The following NBEAL1 variants were observed in gnomAD, a reference collection of about 807,000 sequenced individuals.
The protein encoded by NBEAL1 is neurobeachin-like protein 1.
Under a neutral mutation model 351.3 loss-of-function variants are expected in NBEAL1, and 273 were observed. That is an observed-to-expected ratio of 0.78 (90% CI 0.70 to 0.86). The LOEUF (loss-of-function observed/expected upper bound fraction) is 0.86. Among genes scored for constraint, NBEAL1 ranks in the 40% least tolerant of loss-of-function variants. The probability of loss-of-function intolerance (pLI) is 0.00; values close to 1 mark genes in which losing one functional copy is unlikely to be tolerated. For synonymous variants in NBEAL1, 1,050 were observed against 1,086.4 expected, an observed-to-expected ratio of 0.97 and a Z score of 0.66; for missense variants, 2,961 against 3,201.3, an observed-to-expected ratio of 0.92 and a Z score of 1.81.
At chr2:203,132,159 A>C in intron 26 of NBEAL1, 27 bp downstream of exon 26, 1 of 1,337,288 alleles carries the variant, frequency 7.5e-7, no homozygotes, top group Non-Finnish European at 1.0e-6. Context: ...TAAAGCTAAC[A>C]TATTTAAGAA....
intron 47 of NBEAL1, 71 bp downstream of exon 47, chr2:203,193,982 T>C: frequency 1.2e-6 from 1 of 804,986 alleles, no homozygotes; most frequent in South Asian, 1.8e-5. Context: ...TCTTTTATTA[T>C]TTAATGGGAA....
At position 203,123,751 on chromosome 2, in the gene NBEAL1, T is replaced by TTA. The variant is rs200920126; in HGVS notation, c.2682+1415_2682+1416dup. On this transcript the variant is annotated intron_variant, in intron 19 of 55. Transcript: ENST00000683969. Reference sequence around the variant, plus strand: ...TACAAAGCTGATTCCATGTGGTATTTTATATATAGAAATCTGTTTATATGT... The same window carrying TTA: ...TACAAAGCTGATTCCATGTGGTATTTTATATATATAGAAATCTGTTTATATGT... Among the ~76,000 whole-genome samples the TTA allele has an allele frequency of 8.5e-4, 129 of 152,332 alleles. 4 individuals carry two copies. In the East Asian group the frequency reaches 0.016, roughly 19 times the overall value.
At position 203,225,037 on chromosome 2, in the gene NBEAL1, G is replaced by A. The variant is rs1368622389; in HGVS notation, c.*7683G>A. Among the ~76,000 whole-genome samples the A allele has an allele frequency of 6.6e-6, 1 of 152,134 alleles. No individual in the cohort carries two copies. The highest frequency in any genetic ancestry group is 1.5e-5 in the Non-Finnish European group (1 of 68,006). On this transcript the variant is annotated 3_prime_UTR_variant, in exon 56 of 56. Coordinates refer to ENST00000683969, the MANE Select transcript of NBEAL1 (RefSeq NM_001378026.1). ...TACTTGATTTGTTTCTGTATAGCAT[G>A]ATTAAAGATAATTGAAAATTTTGCA...
intron 31 of NBEAL1, among the ~76,000 whole-genome samples, chr2:203,141,467 C>T (rs1399218118): frequency 1.4e-5 from 2 of 140,436 alleles, no homozygotes; most frequent in East Asian, 2.3e-4. Flanking sequence ...TGCAATCTCT[C>T]CACCTCCCAG....
At chr2:203,029,559 G>C (rs374128065) in intron 2 of NBEAL1, among the ~76,000 whole-genome samples, 2 of 152,076 alleles carry the variant, frequency 1.3e-5, no homozygotes, top group East Asian at 3.9e-4. Context: ...GGGCACGATG[G>C]CATGTGCCAG....
At chr2:203,163,019 T>C (rs955161326) in intron 36 of NBEAL1, among the ~76,000 whole-genome samples, 1 of 151,982 alleles carries the variant, frequency 6.6e-6, no homozygotes, top group Non-Finnish European at 1.5e-5. Context: ...TAGCCAGACA[T>C]GGGGGTGAGT....
At chr2:203,057,231 C>A in intron 5 of NBEAL1, 95 bp from the exon 6 acceptor site, 1 of 1,098,520 alleles carries the variant, frequency 9.1e-7, no homozygotes, top group Non-Finnish European at 1.3e-6. Flanking sequence ...GACTCTTAGT[C>A]TCAAAGGGAA....
Position 203,169,816 on chromosome 2 carries a change from C to A in NBEAL1, c.6067C>A (p.Pro2023Thr). The A allele has an allele frequency of 6.2e-7, 1 of 1,609,234 alleles. No homozygotes were observed. The highest frequency in any genetic ancestry group is 1.7e-5 in the Admixed American group (1 of 59,520). ...AAATAGTTATTATGGAAGCAGATCA[C>A]CACAGGAGTTATTCAAAGCATCAGG... Reference protein sequence around the residue: ...SPNSYYGSRSPQELFKASGLT... With the variant: ...SPNSYYGSRSTQELFKASGLT... The change falls in exon 39 of 56, where the codon CCA becomes ACA. Residue 2023 changes from proline (P) to threonine (T), a missense_variant. By Grantham distance (38) the Pro-to-Thr change is conservative. Coordinates refer to ENST00000683969, the MANE Select transcript of NBEAL1 (RefSeq NM_001378026.1).
chr2:203,120,581 G>T (rs2062807589), intron 18 of NBEAL1, among the ~76,000 whole-genome samples: 2 of 152,102 alleles, frequency 1.3e-5, no homozygotes, highest in South Asian at 4.1e-4. Context: ...CATGTGTTTG[G>T]GTATAGGACA....
intron 55 of NBEAL1, among the ~76,000 whole-genome samples, chr2:203,216,827 A>G (rs2065902282): frequency 1.3e-5 from 2 of 152,128 alleles, no homozygotes; most frequent in African/African-American, 4.8e-5. Context: ...TGAGAGAGAG[A>G]GAGTTTCACT....
At chr2:203,175,470 A>G (rs1165853677) in intron 42 of NBEAL1, among the ~76,000 whole-genome samples, 183 bp downstream of exon 42, 3 of 152,146 alleles carry the variant, frequency 2.0e-5, no homozygotes, top group Non-Finnish European at 4.4e-5. Context: ...ATTTAAGGAG[A>G]ATTCCTTTTT....
intron 19 of NBEAL1, 27 bp from the exon 20 acceptor site, chr2:203,125,325 A>T: frequency 7.0e-7 from 1 of 1,424,212 alleles, no homozygotes; most frequent in African/African-American, 1.5e-5. Flanking sequence ...CTTTTATAAG[A>T]TTTAAACATT....
At position 203,208,700 on chromosome 2, in the gene NBEAL1, G is replaced by C. The variant is rs780986589; in HGVS notation, c.7570G>C (p.Val2524Leu). The change falls in exon 52 of 56, where the codon GTA becomes CTA. Residue 2524 changes from valine to leucine, a missense_variant. Val to Leu is a conservative substitution (Grantham distance 32). Coordinates refer to ENST00000683969, the MANE Select transcript of NBEAL1 (RefSeq NM_001378026.1). ...FQILYGHTNE[V>L]LSVGISTELD... ...GATTCTTTATGGACACACCAACGAGGTACTGAGTGTCGGCATCAGCACTGA... is the reference window on the plus strand; with the variant it reads ...GATTCTTTATGGACACACCAACGAGCTACTGAGTGTCGGCATCAGCACTGA... The C allele has an allele frequency of 6.2e-7, 1 of 1,612,574 alleles. No individual in the cohort carries two copies. The highest frequency in any genetic ancestry group is 2.2e-5 in the East Asian group (1 of 44,810).
chr2:203,166,661 C>T (rs1176060244), intron 37 of NBEAL1, among the ~76,000 whole-genome samples: 2 of 152,054 alleles, frequency 1.3e-5, no homozygotes, highest in African/African-American at 4.8e-5. Flanking sequence ...ATTCTCCTGC[C>T]TCAGCCTCCC....
chr2:203,109,202 C>T (rs1336498913), intron 14 of NBEAL1, among the ~76,000 whole-genome samples: 1 of 151,620 alleles, frequency 6.6e-6, no homozygotes, highest in African/African-American at 2.4e-5. Flanking sequence ...ACTAAAAATA[C>T]AGAAATTAGC....
At chr2:203,153,342 A>G (rs2063713420) in intron 35 of NBEAL1, among the ~76,000 whole-genome samples, 1 of 136,932 alleles carries the variant, frequency 7.3e-6, no homozygotes, top group African/African-American at 2.7e-5. Context: ...AGGTCTCACC[A>G]TATTGCCAGG....
rs56382460 is a variant in NBEAL1, at chr2:203,145,797, C to CA, written c.5304+656dup. 3.1e-3 allele frequency among the ~76,000 whole-genome samples: 263 copies of CA among 85,962 alleles called. 1 individual carries two copies. Among genetic ancestry groups the CA allele is most frequent in the South Asian group, 7.7e-3 (20 of 2,608 alleles). The allele number at this position is 85,962 out of a possible 152,430, so 56.4% of individuals were successfully genotyped here. A position where few individuals can be genotyped will look rare whatever the true frequency, so the allele number is the denominator to read the frequency against. ...TGGGCAACAGAGTGAGACTCCATCT[C>CA]AAAAAAAAAAAAAAAAAAAGAAAGA... On this transcript the variant is annotated intron_variant, in intron 33 of 55. Transcript: ENST00000683969.
chr2:203,158,193 AAAAG>A (rs1165031090), intron 36 of NBEAL1, among the ~76,000 whole-genome samples: 6 of 152,308 alleles, frequency 3.9e-5, no homozygotes, highest in South Asian at 2.1e-4. Flanking sequence ...GAGAAAAACA[AAAAG>A]AAAGATTAAA....
intron 27 of NBEAL1, among the ~76,000 whole-genome samples, chr2:203,134,739 C>T (rs1368067874): frequency 6.6e-6 from 1 of 152,168 alleles, no homozygotes; most frequent in Non-Finnish European, 1.5e-5. Context: ...TACGTATTCT[C>T]ATGTCACTGT....
Sources: gnomAD v4.1 joint callset for allele counts (sites outside exome capture counted in the v4.1 genomes callset) on GRCh38, gnomAD v4.1.1 for gene constraint, MANE v1.5 for transcripts, NCBI Gene and HGNC (gene_info 2026-07-23, HGNC 2026-07-21) for gene names.